Variants in SNTG1 observed in about 807,000 individuals in gnomAD.
SNTG1 encodes the protein syntrophin gamma 1, also known as gamma-1-syntrophin.
SNTG1 carries 39 observed loss-of-function variants against 74.7 expected under a neutral mutation model. The observed-to-expected ratio is 0.52, with a 90% CI of 0.40 to 0.68. SNTG1 has a LOEUF of 0.68. SNTG1 is among the 30% of genes least tolerant of loss of function. SNTG1 has a pLI of 0.00. For missense variants in SNTG1, 685 were observed against 609.5 expected, an observed-to-expected ratio of 1.12 and a Z score of -1.30; for synonymous variants, 254 against 217.1, an observed-to-expected ratio of 1.17 and a Z score of -1.49.
intron 2 of SNTG1, among the ~76,000 whole-genome samples, chr8:50,265,312 T>G (rs2087407974): frequency 6.6e-6 from 1 of 152,106 alleles, no homozygotes; most frequent in African/African-American, 2.4e-5. Flanking sequence ...GAATAAAAAG[T>G]TGGTTTAACA....
At chr8:50,718,458 A>G (rs1373767883) in intron 17 of SNTG1, among the ~76,000 whole-genome samples, 1 of 152,172 alleles carries the variant, frequency 6.6e-6, no homozygotes, top group Non-Finnish European at 1.5e-5. Flanking sequence ...TGTGGGATTC[A>G]GAAGATTGAT....
At chr8:50,639,762 C>A (rs941926558) in intron 13 of SNTG1, among the ~76,000 whole-genome samples, 3 of 151,996 alleles carry the variant, frequency 2.0e-5, no homozygotes, top group Admixed American at 6.6e-5. Context: ...ATTAACAAGC[C>A]TTACCTTTTA....
At chr8:50,231,951 A>C (rs1184150476) in intron 2 of SNTG1, among the ~76,000 whole-genome samples, 1 of 151,370 alleles carries the variant, frequency 6.6e-6, no homozygotes, top group Non-Finnish European at 1.5e-5. Context: ...ATTATATTGA[A>C]CTGTCATGCC....
chr8:50,133,538 TTAA>T (rs1228179565), intron 1 of SNTG1, among the ~76,000 whole-genome samples: 1 of 152,184 alleles, frequency 6.6e-6, no homozygotes, highest in Non-Finnish European at 1.5e-5. Context: ...CTCAAAGTTC[TTAA>T]GGCTAGAAAT....
chr8:50,271,733 G>A (rs1232566420), intron 2 of SNTG1, among the ~76,000 whole-genome samples: 1 of 152,124 alleles, frequency 6.6e-6, no homozygotes, highest in African/African-American at 2.4e-5. Flanking sequence ...CCATTACTAA[G>A]ATTCTCTGGG....
rs1817850273 is a variant in SNTG1 at position 50,032,896 on chromosome 8, A to T, written c.-103+120665A>T. On this transcript the variant is annotated intron_variant, in intron 1 of 18. Coordinates refer to ENST00000642720, the MANE Select transcript of SNTG1 (RefSeq NM_018967.5). The stretch of plus-strand genomic sequence containing the variant: ...TTTTTATCCTGGTTTCTAAACTCAC[A>T]ATAATCTGGTCCCATCCCCAATAAT... Among the ~76,000 whole-genome samples, 7 of 152,138 alleles carry T rather than the reference A, an allele frequency of 4.6e-5. No homozygotes were observed. In the South Asian group the frequency reaches 1.5e-3, roughly 32 times the overall value.
Position 50,176,286 on chromosome 8 carries a change from C to T in SNTG1, c.-28+3651C>T, listed in dbSNP as rs190864544. ...CCCATGTGCCACCAGAATCATTGTTCAAGCTCCCAGTACTCTCAGACAGAT... is the reference window on the plus strand; with the variant it reads ...CCCATGTGCCACCAGAATCATTGTTTAAGCTCCCAGTACTCTCAGACAGAT... On this transcript the variant is annotated intron_variant, in intron 2 of 18. Coordinates refer to ENST00000642720, the MANE Select transcript of SNTG1 (RefSeq NM_018967.5). 3.3e-5 allele frequency among the ~76,000 whole-genome samples: 5 copies of T among 152,270 alleles called. No individual in the cohort carries two copies. The East Asian group carries it at 9.7e-4, about 29-fold the overall frequency.
chr8:50,017,646 A>G (rs1262401705), intron 1 of SNTG1, among the ~76,000 whole-genome samples: 2 of 151,980 alleles, frequency 1.3e-5, no homozygotes, highest in Non-Finnish European at 2.9e-5. Context: ...AGACTTTAAG[A>G]TAAAATGTTA....
intron 2 of SNTG1, among the ~76,000 whole-genome samples, chr8:50,265,168 G>A (rs1460645459): frequency 6.6e-6 from 1 of 151,854 alleles, no homozygotes; most frequent in Non-Finnish European, 1.5e-5. Flanking sequence ...ACCATAAAAA[G>A]ACAACACAAA....
chr8:50,400,796 G>T (rs1053263942), intron 3 of SNTG1, among the ~76,000 whole-genome samples: 1 of 152,220 alleles, frequency 6.6e-6, no homozygotes, highest in African/African-American at 2.4e-5. Context: ...ACACACTGGG[G>T]TGCATGGAAG....
intron 1 of SNTG1, among the ~76,000 whole-genome samples, chr8:50,072,785 T>C (rs932876422): frequency 1.3e-5 from 2 of 152,210 alleles, no homozygotes; most frequent in Admixed American, 1.3e-4. Flanking sequence ...ATAAGGTGAA[T>C]ATTGTAATAA....
chr8:50,103,502 G>T (rs2080233405), intron 1 of SNTG1, among the ~76,000 whole-genome samples: 1 of 152,138 alleles, frequency 6.6e-6, no homozygotes, highest in Non-Finnish European at 1.5e-5. Context: ...CATGTCATCT[G>T]CAAACAGGGA....
chr8:50,278,251 G>A (rs2130387792), intron 2 of SNTG1, among the ~76,000 whole-genome samples: 1 of 152,146 alleles, frequency 6.6e-6, no homozygotes, highest in East Asian at 1.9e-4. Flanking sequence ...ATAATTTTAA[G>A]GAAAGGTGTA....
intron 13 of SNTG1, among the ~76,000 whole-genome samples, chr8:50,630,611 C>A (rs1308164079): frequency 6.6e-6 from 1 of 152,128 alleles, no homozygotes; most frequent in African/African-American, 2.4e-5. Context: ...ACACAAAGCA[C>A]CTCCTCTTTA....
intron 1 of SNTG1, among the ~76,000 whole-genome samples, chr8:50,105,619 T>A (rs1385767404): frequency 6.6e-6 from 1 of 152,130 alleles, no homozygotes; most frequent in Admixed American, 6.6e-5. Flanking sequence ...GTAAATTGCT[T>A]TGTGCAGTAT....
At chr8:50,766,319 G>A (rs186960094) in intron 18 of SNTG1, among the ~76,000 whole-genome samples, 261 of 152,084 alleles carry the variant, frequency 1.7e-3, no homozygotes, top group Non-Finnish European at 3.1e-3. Flanking sequence ...TAAAAGTACT[G>A]TTACTAAGAT....
At chr8:50,370,302 T>G (rs1261307876) in intron 2 of SNTG1, among the ~76,000 whole-genome samples, 2 of 152,196 alleles carry the variant, frequency 1.3e-5, no homozygotes, top group Non-Finnish European at 2.9e-5. Flanking sequence ...ACTCTGCGAC[T>G]GGCTGAATCA....
intron 10 of SNTG1, among the ~76,000 whole-genome samples, chr8:50,531,328 CTT>C (rs534775183): frequency 7.6e-5 from 11 of 144,234 alleles, no homozygotes; most frequent in Middle Eastern, 3.4e-3. Flanking sequence ...ATCTTTGAAA[CTT>C]TTTTTTTTTT....
chr8:49,976,621 G>A (rs962198762), intron 1 of SNTG1, among the ~76,000 whole-genome samples: 1 of 152,166 alleles, frequency 6.6e-6, no homozygotes, highest in African/African-American at 2.4e-5. Flanking sequence ...TCTGAGGAGT[G>A]AATTTTAAAC....
Sources: gnomAD v4.1 joint callset for allele counts (sites outside exome capture counted in the v4.1 genomes callset) on GRCh38, gnomAD v4.1.1 for gene constraint, MANE v1.5 for transcripts, NCBI Gene and HGNC (gene_info 2026-07-23, HGNC 2026-07-21) for gene names.